DLG2: variants seen among roughly 807,000 people sequenced by gnomAD.
The protein encoded by DLG2 is disks large homolog 2.
DLG2 carries 45 observed loss-of-function variants against 132.5 expected under a neutral mutation model. That is an observed-to-expected ratio of 0.34 (90% CI 0.27 to 0.44). The LOEUF (loss-of-function observed/expected upper bound fraction) is 0.44, where lower values mean the gene tolerates loss of function less well. Ranked by LOEUF, DLG2 falls within the 20% of genes least tolerant of loss-of-function variation. The pLI, the probability that DLG2 is intolerant of heterozygous loss-of-function variation, is 1.00. For synonymous variants in DLG2, 424 were observed against 419.6 expected (o/e 1.01, Z -0.13); for missense variants, 1,045 against 1,196.9 (o/e 0.87, Z 1.87).
chr11:84,250,871 G>A (rs2097363190), intron 8 of DLG2, among the ~76,000 whole-genome samples: 1 of 152,112 alleles, frequency 6.6e-6, no homozygotes, highest in Non-Finnish European at 1.5e-5. Context: ...ACTTACTTTA[G>A]GTTCCAGACT....
intron 6 of DLG2, among the ~76,000 whole-genome samples, chr11:84,535,400 C>G (rs1022970941): frequency 4.6e-5 from 7 of 152,208 alleles, no homozygotes; most frequent in African/African-American, 1.4e-4. Flanking sequence ...GGCAAGTTAT[C>G]TGCCTATATT....
At chr11:84,213,594 T>C (rs948320711) in intron 8 of DLG2, among the ~76,000 whole-genome samples, 5 of 151,248 alleles carry the variant, frequency 3.3e-5, no homozygotes, top group African/African-American at 4.8e-5. Context: ...CCGAGGCGGG[T>C]GGATCACGAG....
chr11:85,208,403 G>A (rs564709496), intron 4 of DLG2, among the ~76,000 whole-genome samples: 6 of 151,836 alleles, frequency 4.0e-5, no homozygotes, highest in Non-Finnish European at 5.9e-5. Context: ...ATATGCTAGC[G>A]TATACTAAGA....
intron 21 of DLG2, among the ~76,000 whole-genome samples, chr11:83,485,076 C>G (rs2093417760): frequency 6.6e-6 from 1 of 152,054 alleles, no homozygotes. Context: ...ATTAACTTAA[C>G]TTATCAAAGG....
At chr11:84,937,750 G>A (rs535277470) in intron 6 of DLG2, among the ~76,000 whole-genome samples, 1 of 152,210 alleles carries the variant, frequency 6.6e-6, no homozygotes, top group African/African-American at 2.4e-5. Context: ...ATCAGTAAAG[G>A]GAATTGAAAT....
chr11:84,053,657 G>T (rs1420976999), intron 11 of DLG2, among the ~76,000 whole-genome samples: 1 of 151,850 alleles, frequency 6.6e-6, no homozygotes, highest in African/African-American at 2.4e-5. Flanking sequence ...TTTAGATATA[G>T]CCATTTTGCA....
intron 17 of DLG2, among the ~76,000 whole-genome samples, chr11:83,816,673 G>A (rs1167067138): frequency 6.6e-6 from 1 of 152,078 alleles, no homozygotes; most frequent in Non-Finnish European, 1.5e-5. Context: ...ACAGCCTACA[G>A]GTCCTATAAC....
chr11:83,970,187 CATTAG>C (rs1222680755), intron 12 of DLG2, among the ~76,000 whole-genome samples: 9 of 152,312 alleles, frequency 5.9e-5, no homozygotes, highest in African/African-American at 2.2e-4. Context: ...CTACACAGCT[CATTAG>C]ATTATCAGTG....
chr11:83,973,527 T>C (rs1415658851), intron 12 of DLG2, among the ~76,000 whole-genome samples: 4 of 152,048 alleles, frequency 2.6e-5, no homozygotes, highest in African/African-American at 9.7e-5. Flanking sequence ...AAATTTTTTT[T>C]AGCCAATTGC....
chr11:84,952,252 A>T (rs1436120004), intron 6 of DLG2, among the ~76,000 whole-genome samples: 1 of 152,236 alleles, frequency 6.6e-6, no homozygotes, highest in Non-Finnish European at 1.5e-5. Context: ...GCTTAAGAAT[A>T]AAACCAGAAC....
intron 15 of DLG2, among the ~76,000 whole-genome samples, chr11:83,900,113 A>G (rs1369200549): frequency 6.6e-6 from 1 of 152,168 alleles, no homozygotes; most frequent in Non-Finnish European, 1.5e-5. Flanking sequence ...GGAACTTTGA[A>G]CTTGAGAGAG....
chr11:83,972,083 C>T (rs535451828), intron 12 of DLG2, among the ~76,000 whole-genome samples: 4 of 151,896 alleles, frequency 2.6e-5, no homozygotes, highest in African/African-American at 7.2e-5. Flanking sequence ...TAATGAAAAT[C>T]GGAATGGGAA....
chr11:85,136,542 A>C (rs1271445268), intron 5 of DLG2, among the ~76,000 whole-genome samples: 1 of 152,182 alleles, frequency 6.6e-6, no homozygotes, highest in Non-Finnish European at 1.5e-5. Flanking sequence ...AGTCTTTGGC[A>C]AGATAAAAAG....
chr11:85,458,472 G>A (rs1327908473), intron 3 of DLG2, among the ~76,000 whole-genome samples: 2 of 152,016 alleles, frequency 1.3e-5, no homozygotes, highest in Admixed American at 1.3e-4. Flanking sequence ...ATACCTGCTG[G>A]GGAACTAGTG....
At chr11:83,999,843 C>A (rs7942040) in intron 11 of DLG2, among the ~76,000 whole-genome samples, 11,006 of 151,868 alleles carry the variant, frequency 0.072, 1,161 homozygotes, top group African/African-American at 0.24. Flanking sequence ...ACAACCAACA[C>A]CATAGATACA....
intron 16 of DLG2, among the ~76,000 whole-genome samples, chr11:83,840,884 C>T (rs958758721): frequency 6.6e-6 from 1 of 152,160 alleles, no homozygotes; most frequent in East Asian, 1.9e-4. Flanking sequence ...TTTAGCCCAT[C>T]CTTTTCTTCA....
chr11:84,995,981 A>G (rs924087010), intron 6 of DLG2, among the ~76,000 whole-genome samples: 2 of 152,146 alleles, frequency 1.3e-5, no homozygotes, highest in African/African-American at 4.8e-5. Flanking sequence ...CTTTCTATTG[A>G]CCAGCTCAGC....
At chr11:83,589,034 G>A (rs570565003) in intron 19 of DLG2, among the ~76,000 whole-genome samples, 20,560 of 145,312 alleles carry the variant, frequency 0.14, 1,618 homozygotes, top group Non-Finnish European at 0.17. Context: ...TGAAAGTGAT[G>A]GGGAGAATGG....
At chr11:84,249,314 C>T (rs752558278) in intron 8 of DLG2, among the ~76,000 whole-genome samples, 94 of 152,306 alleles carry the variant, frequency 6.2e-4, no homozygotes, top group Middle Eastern at 3.4e-3. Flanking sequence ...GACAAGTTAT[C>T]TCTCATCCAA....
Sources: gnomAD v4.1 joint callset for allele counts (sites outside exome capture counted in the v4.1 genomes callset) on GRCh38, gnomAD v4.1.1 for gene constraint, MANE v1.5 for transcripts, NCBI Gene and HGNC (gene_info 2026-07-23, HGNC 2026-07-21) for gene names.